Variants in DLGAP2 observed in about 807,000 individuals in gnomAD.
The protein encoded by DLGAP2 is disks large-associated protein 2.
In DLGAP2, 26 loss-of-function variants were observed where a neutral mutation model predicts 100.3. The observed-to-expected ratio is 0.26, with a 90% CI of 0.19 to 0.36. The LOEUF (loss-of-function observed/expected upper bound fraction) is 0.36, where lower values mean the gene tolerates loss of function less well. Ranked by LOEUF, DLGAP2 falls within the 10% of genes least tolerant of loss-of-function variation. DLGAP2 has a pLI of 1.00. For synonymous variants in DLGAP2, 886 were observed against 630.1 expected, an observed-to-expected ratio of 1.41 and a Z score of -6.08; for missense variants, 1,858 against 1,453.2, an observed-to-expected ratio of 1.28 and a Z score of -4.53.
At chr8:978,876 T>C (rs976117710) in intron 2 of DLGAP2, among the ~76,000 whole-genome samples, 4 of 152,182 alleles carry the variant, frequency 2.6e-5, no homozygotes, top group African/African-American at 7.2e-5. Context: ...TGATCCCAAA[T>C]ACTCATAGCC....
chr8:1,618,597 C>G (rs1797231305), intron 6 of DLGAP2, among the ~76,000 whole-genome samples: 1 of 152,182 alleles, frequency 6.6e-6, no homozygotes, highest in South Asian at 2.1e-4. Flanking sequence ...CCAAGACAGT[C>G]TTGATAAAAA....
chr8:1,003,942 C>T (rs1412992907), intron 2 of DLGAP2, among the ~76,000 whole-genome samples: 3 of 152,186 alleles, frequency 2.0e-5, no homozygotes, highest in Admixed American at 6.5e-5. Context: ...GTGTCCCCCT[C>T]CCAAAAGATT....
chr8:1,326,479 G>A (rs781725042), intron 3 of DLGAP2, among the ~76,000 whole-genome samples: 3 of 152,064 alleles, frequency 2.0e-5, no homozygotes, highest in Non-Finnish European at 2.9e-5. Context: ...GCACGCGCTC[G>A]GTCTCGGTCC....
chr8:1,554,384 G>T (rs1011349768), intron 5 of DLGAP2, among the ~76,000 whole-genome samples: 6 of 152,174 alleles, frequency 3.9e-5, no homozygotes, highest in African/African-American at 1.2e-4. Context: ...GCCCGATCTG[G>T]GGTGGAACCT....
chr8:1,330,947 T>A (rs1229067872), intron 3 of DLGAP2, among the ~76,000 whole-genome samples: 1 of 140,998 alleles, frequency 7.1e-6, no homozygotes, highest in Admixed American at 7.1e-5. Flanking sequence ...GGGACTGAGT[T>A]CTGGGTGGGA....
chr8:1,379,929 G>A (rs1246291034), intron 3 of DLGAP2, among the ~76,000 whole-genome samples: 1 of 148,920 alleles, frequency 6.7e-6, no homozygotes, highest in Non-Finnish European at 1.5e-5. Context: ...ATTTTGGGGT[G>A]CCCTCCCTTC....
At chr8:1,316,463 CT>C (rs71528645) in intron 3 of DLGAP2, among the ~76,000 whole-genome samples, 9 of 127,394 alleles carry the variant, frequency 7.1e-5, no homozygotes, top group South Asian at 2.6e-4. Flanking sequence ...AACTCGGCAG[CT>C]TTTAAAAATA....
chr8:1,356,033 C>T (rs1456014855), intron 3 of DLGAP2, among the ~76,000 whole-genome samples: 1 of 152,248 alleles, frequency 6.6e-6, no homozygotes, highest in South Asian at 2.1e-4. Context: ...ATGATCGGGG[C>T]CACTGCACTG....
intron 2 of DLGAP2, among the ~76,000 whole-genome samples, chr8:967,179 CAT>C (rs1799892513): frequency 6.6e-6 from 1 of 152,238 alleles, no homozygotes; most frequent in Admixed American, 6.5e-5. Context: ...CTGCCTGTGT[CAT>C]GTGCTCATAC....
chr8:1,165,004 T>G lies in DLGAP2; in HGVS notation c.74-93847T>G, dbSNP rs141411959. Among the ~76,000 whole-genome samples the G allele has an allele frequency of 6.0e-3, 918 of 152,156 alleles. 8 individuals carry two copies. The highest frequency in any genetic ancestry group is 0.048 in the South Asian group (231 of 4,822). On this transcript the variant is annotated intron_variant, in intron 2 of 14. Coordinates refer to ENST00000637795, the MANE Select transcript of DLGAP2 (RefSeq NM_001346810.2). The stretch of plus-strand genomic sequence containing the variant: ...AGAGTCTGGGAGTTGGAGACTGTTA[T>G]GAGTTCAGGGATGGGGTTGGGTGTT...
rs117723730 is a variant in DLGAP2 at position 826,502 on chromosome 8, G to A, written c.19-81410G>A. On this transcript the variant is annotated intron_variant, in intron 1 of 14. Transcript: ENST00000637795. ...AGCGATGTGAGACTTTTTCCCCACA[G>A]GCATTTAGTGTTACAGAATTTCCCT... 8.7e-4 allele frequency among the ~76,000 whole-genome samples: 132 copies of A among 152,304 alleles called. No homozygotes were observed. In the East Asian group the frequency reaches 0.022, roughly 25 times the overall value.
At chr8:1,115,681 G>A (rs1805094204) in intron 2 of DLGAP2, among the ~76,000 whole-genome samples, 1 of 152,170 alleles carries the variant, frequency 6.6e-6, no homozygotes, top group Non-Finnish European at 1.5e-5. Flanking sequence ...TGAAGTGTCT[G>A]TGCTGCCAGG....
chr8:802,604 C>T (rs932706134), intron 1 of DLGAP2, among the ~76,000 whole-genome samples: 1 of 152,140 alleles, frequency 6.6e-6, no homozygotes, highest in East Asian at 1.9e-4. Flanking sequence ...GACCCAGCCA[C>T]CCTCAGAACC....
chr8:914,812 A>G (rs1030437565), intron 2 of DLGAP2, among the ~76,000 whole-genome samples: 2 of 152,154 alleles, frequency 1.3e-5, no homozygotes, highest in Non-Finnish European at 2.9e-5. Flanking sequence ...CTGGTGTGTG[A>G]TACTCCTGTT....
intron 2 of DLGAP2, among the ~76,000 whole-genome samples, chr8:1,169,232 T>C (rs1451180182): frequency 1.3e-5 from 2 of 152,212 alleles, no homozygotes; most frequent in African/African-American, 4.8e-5. Context: ...TTCTGTACTA[T>C]TGATCTATAT....
At chr8:1,681,080 G>A (rs1014947469) in intron 12 of DLGAP2, among the ~76,000 whole-genome samples, 1 of 152,054 alleles carries the variant, frequency 6.6e-6, no homozygotes, top group African/African-American at 2.4e-5. Context: ...TTTACAAAGA[G>A]GTCATGTTTG....
intron 3 of DLGAP2, among the ~76,000 whole-genome samples, chr8:1,470,595 C>T (rs1046733648): frequency 6.6e-6 from 1 of 152,158 alleles, no homozygotes; most frequent in South Asian, 2.1e-4. Flanking sequence ...TGATGTTTGA[C>T]TAAATCCCAA....
In DLGAP2 at chr8:1,702,407, G is replaced by A. The variant is rs1221167911; in HGVS notation, c.*1001G>A. On this transcript the variant is annotated 3_prime_UTR_variant, in exon 15 of 15. Coordinates refer to ENST00000637795, the MANE Select transcript of DLGAP2 (RefSeq NM_001346810.2). ...AAACAAAAGTTTGCTTGTTTAAAAT[G>A]ACAGTTGTGATGTAAAAAGTTTAAG... 6.6e-6 allele frequency: 1 copy of A among 152,438 alleles called. No individual in the cohort carries two copies. Among genetic ancestry groups the A allele is most frequent in the African/African-American group, 2.4e-5 (1 of 41,378 alleles). 9.4% of individuals were successfully genotyped at this position (152,438 alleles called of 1,614,324 possible).
chr8:820,954 T>C (rs1796572865), intron 1 of DLGAP2, among the ~76,000 whole-genome samples: 1 of 152,200 alleles, frequency 6.6e-6, no homozygotes, highest in Non-Finnish European at 1.5e-5. Flanking sequence ...ATGTGAATTC[T>C]AGAACGGTGG....
Sources: gnomAD v4.1 joint callset for allele counts (sites outside exome capture counted in the v4.1 genomes callset) on GRCh38, gnomAD v4.1.1 for gene constraint, MANE v1.5 for transcripts, NCBI Gene and HGNC (gene_info 2026-07-23, HGNC 2026-07-21) for gene names.